Variants in DOP1A observed in about 807,000 individuals in gnomAD.
DOP1A encodes DOP1 leucine zipper like protein A, also known as protein DOP1A.
Under a neutral mutation model 267.6 loss-of-function variants are expected in DOP1A, and 90 were observed. That is an observed-to-expected ratio of 0.34 (90% CI 0.28 to 0.40). The LOEUF is 0.40. Among genes scored for constraint, DOP1A ranks in the 10% least tolerant of loss-of-function variants. DOP1A has a pLI of 1.00. For missense variants in DOP1A, 2,437 were observed against 2,900.4 expected (o/e 0.84, Z 3.67); for synonymous variants, 932 against 999.1 (o/e 0.93, Z 1.27).
chr6:83,122,935 T>A lies in DOP1A; in HGVS notation c.1293T>A (p.Pro431=). 6.3e-7 allele frequency: 1 copy of A among 1,578,220 alleles called. No homozygotes were observed. The highest frequency in any genetic ancestry group is 8.6e-7 in the Non-Finnish European group (1 of 1,166,840). Residue 431 remains proline (P), a synonymous_variant, in exon 12 of 39, where the codon CCT becomes CCA. Transcript: ENST00000349129. The part of the protein sequence containing the change: ...TANLLFNSFE[P]YYMWDYVARW... The stretch of plus-strand genomic sequence containing the variant: ...ACCTTCTCTTTAATTCCTTCGAACC[T>A]TATTATATGTGGGATTATGTTGCAC...
At chr6:83,110,012 G>T in intron 5 of DOP1A, 113 bp from the exon 6 acceptor site, 1 of 1,102,812 alleles carries the variant, frequency 9.1e-7, no homozygotes. Context: ...TTCCAGGGTG[G>T]AACATATGAC....
chr6:83,129,083 A>C lies in DOP1A; in HGVS notation c.1916A>C (p.Glu639Ala), dbSNP rs1232895142. ...IPIGSTSSET[E>A]TASTVGSEET... ...ATTGGTAGCACATCCTCTGAGACAG[A>C]AACAGCATCCACTGTGGGATCTGAA... Residue 639 changes from glutamate (E) to alanine (A), a missense_variant, in exon 16 of 39, where the codon GAA (glutamate) becomes GCA (alanine). Glu to Ala is a moderately radical substitution (Grantham distance 107). Around this residue, in one of 9 missense-constraint regions of DOP1A, gnomAD observed 498 missense variants for 513.5 expected, o/e 0.97. Transcript: ENST00000349129. 2 of 1,613,968 alleles carry C rather than the reference A, an allele frequency of 1.2e-6. No homozygotes were observed. Among genetic ancestry groups the C allele is most frequent in the African/African-American group, 1.3e-5 (1 of 74,926 alleles).
chr6:83,163,349 A>C (rs1382157083), intron 38 of DOP1A, among the ~76,000 whole-genome samples: 1 of 152,194 alleles, frequency 6.6e-6, no homozygotes, highest in Non-Finnish European at 1.5e-5. Flanking sequence ...GATTGAAAAA[A>C]ATACAGTACA....
chr6:83,070,912 ATTTC>A (rs1785480147), intron 1 of DOP1A, among the ~76,000 whole-genome samples: 1 of 152,266 alleles, frequency 6.6e-6, no homozygotes, highest in East Asian at 1.9e-4. Flanking sequence ...AGTTATTAAT[ATTTC>A]TTTATATCAA....
chr6:83,075,365 T>A (rs754155245), intron 1 of DOP1A, among the ~76,000 whole-genome samples: 6 of 152,084 alleles, frequency 3.9e-5, no homozygotes. Context: ...TCAATTACAA[T>A]AAAGCAAGGT....
At chr6:83,100,661 C>A in intron 3 of DOP1A, 44 bp from the exon 4 acceptor site, 1 of 1,282,480 alleles carries the variant, frequency 7.8e-7, no homozygotes, top group Non-Finnish European at 1.0e-6. Context: ...AAAATGAATG[C>A]AATATTTTGT....
chr6:83,075,762 A>G (rs937102544), intron 1 of DOP1A, among the ~76,000 whole-genome samples: 3 of 152,228 alleles, frequency 2.0e-5, no homozygotes, highest in African/African-American at 7.2e-5. Context: ...CCTCTTCACC[A>G]GATAGTGTTG....
intron 35 of DOP1A, among the ~76,000 whole-genome samples, chr6:83,158,200 A>G (rs1422524030): frequency 6.6e-6 from 1 of 152,086 alleles, no homozygotes; most frequent in Non-Finnish European, 1.5e-5. Context: ...ACGGGGTTTC[A>G]GCATGTTAGC....
chr6:83,152,288 A>G lies in DOP1A; in HGVS notation c.6050A>G (p.Asp2017Gly), dbSNP rs1295203432. The change falls in exon 30 of 39, where the codon GAT becomes GGT. Residue 2017 changes from aspartate to glycine, a missense_variant and splice_region_variant. Asp to Gly is a moderately conservative substitution (Grantham distance 94, BLOSUM62 -1). This residue lies in a region of DOP1A where 216 missense variants were observed against 283.3 expected (regional missense o/e 0.76). Coordinates refer to ENST00000349129, the MANE Select transcript of DOP1A (RefSeq NM_015018.4). ...ATCTTTAATTTTCTCTTATTTATAGATATGTTATCACCTGCAATGGAAACC... is the reference window on the plus strand; with the variant it reads ...ATCTTTAATTTTCTCTTATTTATAGGTATGTTATCACCTGCAATGGAAACC... ...DGTNLESDVEDMLSPAMETAN... is the reference protein window; with the variant it reads ...DGTNLESDVEGMLSPAMETAN... 1.3e-6 allele frequency: 2 copies of G among 1,546,044 alleles called. No individual in the cohort carries two copies. Among genetic ancestry groups the G allele is most frequent in the Non-Finnish European group, 8.8e-7 (1 of 1,141,074 alleles).
chr6:83,105,078 G>C (rs1347817393), intron 4 of DOP1A, among the ~76,000 whole-genome samples: 2 of 151,886 alleles, frequency 1.3e-5, no homozygotes, highest in African/African-American at 4.8e-5. Flanking sequence ...ATGTATGTAT[G>C]TGTTAAGACA....
chr6:83,169,498 A>G (rs1786616016), downstream of DOP1A: 1 of 697,944 alleles, frequency 1.4e-6, no homozygotes, highest in Non-Finnish European at 2.3e-6. Flanking sequence ...CAAAGCCCTT[A>G]AATAAACGGA....
chr6:83,107,704 A>G (rs1229990148), intron 4 of DOP1A, among the ~76,000 whole-genome samples: 1 of 152,214 alleles, frequency 6.6e-6, no homozygotes, highest in Non-Finnish European at 1.5e-5. Flanking sequence ...TCCCTAAGGA[A>G]ATGGCTTCTT....
Position 83,167,934 on chromosome 6 carries a change from A to C in DOP1A, c.7165A>C (p.Thr2389Pro), listed in dbSNP as rs1408625896. ...AGGGCACTTGCTGCTCACCATCTGC[A>C]CCGTGCGCAGTATGGAGCAGCTCCT... ...EPGHLLLTIC[T>P]VRSMEQLLPF... The change falls in exon 39 of 39, where the codon ACC (threonine) becomes CCC (proline). Residue 2389 changes from threonine to proline, a missense_variant. This residue lies in a region of DOP1A where 197 missense variants were observed against 246.5 expected (regional missense o/e 0.80). Coordinates refer to ENST00000349129, the MANE Select transcript of DOP1A (RefSeq NM_015018.4). The C allele has an allele frequency of 6.2e-7, 1 of 1,614,118 alleles. No individual in the cohort carries two copies. Among genetic ancestry groups the C allele is most frequent in the South Asian group, 1.1e-5 (1 of 91,074 alleles).
At chr6:83,165,866 A>G in intron 38 of DOP1A, 2 of 362,282 alleles carry the variant, frequency 5.5e-6, no homozygotes, top group Admixed American at 2.9e-5. Context: ...CATCTCATTG[A>G]TTTGCTGAGC....
intron 4 of DOP1A, 151 bp downstream of exon 4, chr6:83,101,037 A>T (rs74390233): frequency 2.1e-6 from 1 of 473,476 alleles, no homozygotes; most frequent in African/African-American, 2.0e-5. Context: ...TTTGTTTGAG[A>T]CGGAGTCTTG....
Position 83,140,091 on chromosome 6 carries a change from C to T in DOP1A, c.5212C>T (p.Pro1738Ser). The change falls in exon 22 of 39, where the codon CCA becomes TCA. Residue 1738 changes from proline to serine, a missense_variant. This residue lies in a region of DOP1A where 307 missense variants were observed against 308.6 expected (regional missense o/e 0.99). Transcript: ENST00000349129. ...TAIIHYCLLD[P>S]TTQYHQLLVS... ...CATTATCCATTACTGTTTGTTGGATCCAACTACACAGTATCACCAAGTAAG... is the reference window on the plus strand; with the variant it reads ...CATTATCCATTACTGTTTGTTGGATTCAACTACACAGTATCACCAAGTAAG... 3 of 1,612,796 alleles carry T rather than the reference C, an allele frequency of 1.9e-6. No homozygotes were observed. Among genetic ancestry groups the T allele is most frequent in the Non-Finnish European group, 2.5e-6 (3 of 1,178,994 alleles).
At chr6:83,071,197 A>G (rs527908984) in intron 1 of DOP1A, among the ~76,000 whole-genome samples, 1 of 152,274 alleles carries the variant, frequency 6.6e-6, no homozygotes, top group Non-Finnish European at 1.5e-5. Context: ...AGGAACTGAA[A>G]GAGAATGAAG....
chr6:83,090,832 G>A (rs757400162), intron 1 of DOP1A, among the ~76,000 whole-genome samples: 1 of 152,018 alleles, frequency 6.6e-6, no homozygotes, highest in Non-Finnish European at 1.5e-5. Context: ...GGCTTAAAAT[G>A]GTGTATCTTT....
chr6:83,073,351 G>A (rs933257851), intron 1 of DOP1A, among the ~76,000 whole-genome samples: 4 of 152,074 alleles, frequency 2.6e-5, no homozygotes, highest in Admixed American at 1.3e-4. Flanking sequence ...GCCTCCCAAA[G>A]TGCTGGGATT....
Sources: allele counts gnomAD v4.1 joint callset (sites outside exome capture counted in the v4.1 genomes callset), GRCh38; gene constraint gnomAD v4.1.1; regional missense constraint gnomAD v4.1.1; transcripts MANE v1.5; gene names NCBI Gene and HGNC (gene_info 2026-07-23, HGNC 2026-07-21).